SPHKAP: variants seen among roughly 807,000 people sequenced by gnomAD.
SPHKAP encodes A-kinase anchor protein SPHKAP.
In SPHKAP, 67 loss-of-function variants were observed where a neutral mutation model predicts 137.5. The ratio of observed to expected loss-of-function variants is 0.49; its 90% confidence interval spans 0.40 to 0.60. The LOEUF (loss-of-function observed/expected upper bound fraction) is 0.60. Among genes scored for constraint, SPHKAP ranks in the 20% least tolerant of loss-of-function variants. The probability of loss-of-function intolerance (pLI) is 0.00; values close to 1 mark genes in which losing one functional copy is unlikely to be tolerated. For missense variants in SPHKAP, 2,097 were observed against 2,069.3 expected (o/e 1.01, Z -0.26); for synonymous variants, 813 against 785.3 (o/e 1.04, Z -0.59).
Position 228,018,602 on chromosome 2 carries a change from C to A in SPHKAP, c.2252G>T (p.Cys751Phe), listed in dbSNP as rs1311695706. 1 of 1,613,934 alleles carries A rather than the reference C, an allele frequency of 6.2e-7. No homozygotes were observed. The change falls in exon 7 of 12, where the codon TGC becomes TTC. Residue 751 changes from cysteine (C) to phenylalanine (F), a missense_variant. Physicochemically the swap from Cys to Phe is radical, Grantham distance 205. Coordinates refer to ENST00000392056, the MANE Select transcript of SPHKAP (RefSeq NM_001142644.2). ...TIRRRETEPSCQPSDPGASQA... is the reference protein window; with the variant it reads ...TIRRRETEPSFQPSDPGASQA... ...ACTAGCACCCGGATCAGATGGCTGG[C>A]AGCTTGGTTCTGTCTCCCTCCTTCT...
chr2:228,147,892 CTTAA>C (rs1699822691), intron 1 of SPHKAP, among the ~76,000 whole-genome samples: 1 of 152,102 alleles, frequency 6.6e-6, no homozygotes, highest in Admixed American at 6.6e-5. Context: ...CTCAGTTGCA[CTTAA>C]TCAAGTGCAA....
At chr2:228,034,100 T>C (rs2106244804) in intron 3 of SPHKAP, among the ~76,000 whole-genome samples, 1 of 152,240 alleles carries the variant, frequency 6.6e-6, no homozygotes, top group South Asian at 2.1e-4. Flanking sequence ...AGCTGGTTTT[T>C]TGAAAAGATC....
intron 3 of SPHKAP, among the ~76,000 whole-genome samples, chr2:228,038,613 A>G (rs1274711676): frequency 6.6e-6 from 1 of 152,198 alleles, no homozygotes; most frequent in Non-Finnish European, 1.5e-5. Context: ...GGATTTTTTT[A>G]AGTATGTATT....
chr2:228,124,148 A>T (rs1698999955), intron 2 of SPHKAP, among the ~76,000 whole-genome samples: 1 of 152,186 alleles, frequency 6.6e-6, no homozygotes, highest in Non-Finnish European at 1.5e-5. Context: ...ACTGTCAACT[A>T]GTTCAACCAT....
rs200058674 is a variant in SPHKAP, at chr2:228,132,023, C to T, written c.95G>A (p.Ser32Asn). ...GGAGTTCCCCGGGCCGCTTCCTGAG[C>T]TGCCACAGCCTCTGCCCTGCTGCGG... ...LEPQQGRGCG[S>N]SGSGPGNSIT... The change falls in exon 2 of 12, where the codon AGC (serine) becomes AAC (asparagine). Residue 32 changes from serine (S) to asparagine (N), a missense_variant. Physicochemically the swap from Ser to Asn is conservative, Grantham distance 46 (BLOSUM62 1). Coordinates refer to ENST00000392056, the MANE Select transcript of SPHKAP (RefSeq NM_001142644.2). The T allele has an allele frequency of 1.9e-6, 3 of 1,614,080 alleles. No individual in the cohort carries two copies. The highest frequency in any genetic ancestry group is 2.5e-6 in the Non-Finnish European group (3 of 1,179,988).
intron 3 of SPHKAP, among the ~76,000 whole-genome samples, chr2:228,085,147 G>A (rs1697498194): frequency 6.6e-6 from 1 of 152,204 alleles, no homozygotes; most frequent in African/African-American, 2.4e-5. Flanking sequence ...ACACTGCACT[G>A]TGAAGAACAA....
chr2:228,126,268 T>C (rs1187905560), intron 2 of SPHKAP, among the ~76,000 whole-genome samples: 1 of 152,212 alleles, frequency 6.6e-6, no homozygotes, highest in Admixed American at 6.6e-5. Context: ...ATGTTGCATA[T>C]GTTAAAACTG....
chr2:228,138,668 G>A (rs1452453901), intron 1 of SPHKAP, among the ~76,000 whole-genome samples: 1 of 152,092 alleles, frequency 6.6e-6, no homozygotes, highest in Non-Finnish European at 1.5e-5. Context: ...ATACTTAAAG[G>A]TGGCTCCATA....
intron 3 of SPHKAP, among the ~76,000 whole-genome samples, chr2:228,034,830 A>G (rs531008338): frequency 7.9e-4 from 120 of 152,250 alleles, no homozygotes; most frequent in African/African-American, 2.7e-3. Flanking sequence ...AAATTCAACA[A>G]CGCTTCATGC....
At chr2:227,985,484 T>G (rs1328357152) in intron 11 of SPHKAP, among the ~76,000 whole-genome samples, 2 of 152,228 alleles carry the variant, frequency 1.3e-5, no homozygotes, top group African/African-American at 4.8e-5. Flanking sequence ...TCACTGTGCC[T>G]GTTCATGCTA....
intron 4 of SPHKAP, among the ~76,000 whole-genome samples, chr2:228,026,085 C>A (rs899996713): frequency 6.6e-6 from 1 of 152,146 alleles, no homozygotes; most frequent in African/African-American, 2.4e-5. Flanking sequence ...TCTGCACAAG[C>A]TCTCTCTTTG....
At chr2:228,004,667 C>A (rs547793084) in intron 7 of SPHKAP, among the ~76,000 whole-genome samples, 2 of 152,214 alleles carry the variant, frequency 1.3e-5, no homozygotes, top group Admixed American at 6.5e-5. Flanking sequence ...AATTTTAGGT[C>A]TTTCGTGCTT....
intron 3 of SPHKAP, among the ~76,000 whole-genome samples, chr2:228,071,050 G>T (rs1696989181): frequency 6.6e-6 from 1 of 152,154 alleles, no homozygotes; most frequent in African/African-American, 2.4e-5. Flanking sequence ...TAATCCAGAA[G>T]AAGGGACCTC....
At chr2:228,127,774 T>C (rs1699121819) in intron 2 of SPHKAP, among the ~76,000 whole-genome samples, 1 of 152,166 alleles carries the variant, frequency 6.6e-6, no homozygotes, top group African/African-American at 2.4e-5. Flanking sequence ...CTCAGAGATA[T>C]TGTGGATTCA....
intron 7 of SPHKAP, among the ~76,000 whole-genome samples, chr2:228,005,254 T>C (rs1694082673): frequency 6.6e-6 from 1 of 152,254 alleles, no homozygotes; most frequent in Admixed American, 6.5e-5. Flanking sequence ...TGGTTGCATA[T>C]ATATTTAGGA....
At chr2:228,146,856 T>C (rs68106801) in intron 1 of SPHKAP, among the ~76,000 whole-genome samples, 52,039 of 152,152 alleles carry the variant, frequency 0.34, 9,164 homozygotes, top group East Asian at 0.5. Context: ...ATAGTGCCAG[T>C]AAGCTACTTA....
chr2:228,072,695 A>G (rs1345091003), intron 3 of SPHKAP, among the ~76,000 whole-genome samples: 2 of 152,210 alleles, frequency 1.3e-5, no homozygotes, highest in African/African-American at 2.4e-5. Flanking sequence ...CTGAGCCACC[A>G]TATATGAAGT....
intron 3 of SPHKAP, among the ~76,000 whole-genome samples, chr2:228,061,384 C>G (rs1696627931): frequency 6.6e-6 from 1 of 152,050 alleles, no homozygotes; most frequent in South Asian, 2.1e-4. Context: ...CTGCCTTAGC[C>G]TCCTGAGTAG....
At chr2:228,085,589 G>A (rs1024531440) in intron 3 of SPHKAP, among the ~76,000 whole-genome samples, 3 of 152,126 alleles carry the variant, frequency 2.0e-5, no homozygotes, top group African/African-American at 7.2e-5. Context: ...TTGTATTACA[G>A]GTCAACACAT....
Sources: allele counts gnomAD v4.1 joint callset (sites outside exome capture counted in the v4.1 genomes callset), GRCh38; gene constraint gnomAD v4.1.1; transcripts MANE v1.5; gene names NCBI Gene and HGNC (gene_info 2026-07-23, HGNC 2026-07-21).